Variants in TTLL12 observed in about 807,000 individuals in gnomAD.
TTLL12 encodes tubulin tyrosine ligase like 12.
In TTLL12, 77 loss-of-function variants were observed where a neutral mutation model predicts 79.6. The observed-to-expected ratio is 0.97, with a 90% CI of 0.81 to 1.17. TTLL12 has a LOEUF of 1.17. TTLL12 is among the 50% of genes most tolerant of loss of function. TTLL12 has a pLI of 0.00. For synonymous variants in TTLL12, 437 were observed against 376.1 expected, an observed-to-expected ratio of 1.16 and a Z score of -1.87; for missense variants, 969 against 895.9, an observed-to-expected ratio of 1.08 and a Z score of -1.04.
Position 43,182,945 on chromosome 22 carries a change from G to A in TTLL12, c.347+35C>T, listed in dbSNP as rs369514538. ...CTGCATCTCCCACCTTTCACCAAGT[G>A]AAGGTTGTGGTGGTGTCTCTGGCCA... On this transcript the variant is annotated intron_variant, in intron 2 of 13. Transcript: ENST00000216129. The A allele has an allele frequency of 1.3e-5, 21 of 1,601,266 alleles. No homozygotes were observed. In the African/African-American group the frequency reaches 2.8e-4, roughly 21 times the overall value.
In TTLL12 at chr22:43,174,397, G is replaced by A. The variant is rs762816946; in HGVS notation, c.1041C>T (p.Leu347=). Residue 347 remains leucine (L), a synonymous_variant, in exon 8 of 14, where the codon CTC becomes CTT. Coordinates refer to ENST00000216129, the MANE Select transcript of TTLL12 (RefSeq NM_015140.4). Reference sequence around the variant, plus strand: ...GCAGCACGCCTGGCCTCTCCTGGCTGAGTTTCCTGCAGGGCGGAGGCAGGT... The same window carrying A: ...GCAGCACGCCTGGCCTCTCCTGGCTAAGTTTCCTGCAGGGCGGAGGCAGGT... ...NFSHFKDYRK[L]SQERPGVLLN... is the part of the protein sequence containing the mutation. 6.4e-7 allele frequency: 1 copy of A among 1,562,040 alleles called. No homozygotes were observed.
rs2146626342 is a variant in TTLL12, at chr22:43,184,537, A to C, written c.178-1388T>G. Reference sequence around the variant, plus strand: ...CCACGCAGAGGGAAGAGTAAGAGCGAAGGCCTGGAGGCAGATAGCCCAGGG... The same window carrying C: ...CCACGCAGAGGGAAGAGTAAGAGCGCAGGCCTGGAGGCAGATAGCCCAGGG... On this transcript the variant is annotated intron_variant, in intron 1 of 13. Coordinates refer to ENST00000216129, the MANE Select transcript of TTLL12 (RefSeq NM_015140.4). Among the ~76,000 whole-genome samples the C allele has an allele frequency of 1.3e-5, 2 of 152,356 alleles. 1 individual carries two copies. The highest frequency in any genetic ancestry group is 4.1e-4 in the South Asian group (2 of 4,828).
chr22:43,175,839 AT>A (rs753447234), intron 6 of TTLL12, among the ~76,000 whole-genome samples: 1,936 of 128,356 alleles, frequency 0.015, 17 homozygotes, highest in African/African-American at 0.04. Context: ...TGCCCTACTA[AT>A]TTTTTTTTTT....
At position 43,180,251 on chromosome 22, in the gene TTLL12, C is replaced by T. The variant is rs188068442; in HGVS notation, c.547-251G>A. The stretch of plus-strand genomic sequence containing the variant: ...AAAGGGCGTTTGGTAACAAGGCACT[C>T]AGCCCAGCACCCGTAGGGGTGTATA... On this transcript the variant is annotated intron_variant, in intron 3 of 13. Coordinates refer to ENST00000216129, the MANE Select transcript of TTLL12 (RefSeq NM_015140.4). 9.2e-5 allele frequency among the ~76,000 whole-genome samples: 14 copies of T among 152,298 alleles called. No homozygotes were observed. The East Asian group carries it at 2.3e-3, about 25-fold the overall frequency.
Position 43,169,521 on chromosome 22 carries a change from T to G in TTLL12, c.1623A>C (p.Glu541Asp). 1.2e-6 allele frequency: 2 copies of G among 1,606,500 alleles called. No homozygotes were observed. The highest frequency in any genetic ancestry group is 1.7e-6 in the Non-Finnish European group (2 of 1,175,296). Residue 541 changes from glutamate (E) to aspartate (D), a missense_variant, in exon 12 of 14, where the codon GAA becomes GAC. Coordinates refer to ENST00000216129, the MANE Select transcript of TTLL12 (RefSeq NM_015140.4). Reference protein sequence around the residue: ...FIPEFEKQYPEFPWTDVQAEI... With the variant: ...FIPEFEKQYPDFPWTDVQAEI... ...TTACCTGGACGTCCGTCCAGGGAAATTCTGGGTATTGCTTCTCAAACTCGG... is the reference window on the plus strand; with the variant it reads ...TTACCTGGACGTCCGTCCAGGGAAAGTCTGGGTATTGCTTCTCAAACTCGG...
chr22:43,172,605 G>A, intron 9 of TTLL12, 51 bp from the exon 10 acceptor site: 1 of 1,610,336 alleles, frequency 6.2e-7, no homozygotes, highest in African/African-American at 1.3e-5. Flanking sequence ...AGCCCCCTGG[G>A]GCTCCCGAGC....
chr22:43,186,057 G>C (rs1474982773), intron 1 of TTLL12: 25 of 980,488 alleles, frequency 2.5e-5, no homozygotes, highest in Non-Finnish European at 2.9e-5. Context: ...GCCAGGCTCA[G>C]GGACTCCTAG....
chr22:43,171,838 G>A lies in TTLL12; in HGVS notation c.1556C>T (p.Pro519Leu), dbSNP rs374153501. ...EKHFTVMNYD[P>L]DVVLKQVHCE... is the part of the protein sequence containing the mutation. ...CCCTACCTGCTTCAGCACCACATCCGGGTCATAGTTCATGACCGTGAAGTG... is the reference window on the plus strand; with the variant it reads ...CCCTACCTGCTTCAGCACCACATCCAGGTCATAGTTCATGACCGTGAAGTG... Residue 519 changes from proline to leucine, a missense_variant, in exon 11 of 14, where the codon CCG (proline) becomes CTG (leucine). Pro to Leu is a moderately conservative substitution (Grantham distance 98, BLOSUM62 -3). Transcript: ENST00000216129. The A allele has an allele frequency of 2.4e-5, 39 of 1,613,936 alleles. No homozygotes were observed. In the African/African-American group the frequency reaches 2.8e-4, roughly 12 times the overall value.
intron 2 of TTLL12, among the ~76,000 whole-genome samples, chr22:43,181,806 G>A (rs1261763630): frequency 1.3e-5 from 2 of 152,208 alleles, no homozygotes; most frequent in African/African-American, 4.8e-5. Context: ...TATGAGTTTT[G>A]TTGGCCTGTC....
intron 1 of TTLL12, among the ~76,000 whole-genome samples, chr22:43,186,191 C>CA (rs1555982107): frequency 7.6e-6 from 1 of 130,970 alleles, no homozygotes; most frequent in African/African-American, 3.4e-5. Context: ...AAGAAAACAC[C>CA]CCCCCCCCCG....
chr22:43,171,973 C>T lies in TTLL12; in HGVS notation c.1494-73G>A, dbSNP rs955332876. ...CCCTGCGAGGGAGGTGCCACCCACTCAGCCTTCCCAACTAGGGGTTCAGGG... is the reference window on the plus strand; with the variant it reads ...CCCTGCGAGGGAGGTGCCACCCACTTAGCCTTCCCAACTAGGGGTTCAGGG... On this transcript the variant is annotated intron_variant, in intron 10 of 13. Coordinates refer to ENST00000216129, the MANE Select transcript of TTLL12 (RefSeq NM_015140.4). The T allele has an allele frequency of 4.6e-6, 6 of 1,307,756 alleles. No individual in the cohort carries two copies. The African/African-American group carries it at 8.8e-5, about 19-fold the overall frequency. 81.0% of individuals were successfully genotyped at this position (1,307,756 alleles called of 1,614,324 possible).
chr22:43,181,924 T>C (rs1298126042), intron 2 of TTLL12, among the ~76,000 whole-genome samples: 1 of 150,606 alleles, frequency 6.6e-6, no homozygotes, highest in Non-Finnish European at 1.5e-5. Context: ...ACAAGGGGTG[T>C]TGTACAAAGA....
In TTLL12 at chr22:43,180,883, C is replaced by T. The variant is rs1053661620; in HGVS notation, c.405G>A (p.Leu135=). ...GGTGCAGCAGCCCGGGCACCTGCTG[C>T]AGCTGCTGGCGCGCGTGCTCCACAC... ...TCRVEHARQQ[L]QQVPGLLHRM... The change falls in exon 3 of 14, where the codon CTG becomes CTA. Residue 135 remains leucine (L), a synonymous_variant. Coordinates refer to ENST00000216129, the MANE Select transcript of TTLL12 (RefSeq NM_015140.4). 1 of 1,612,878 alleles carries T rather than the reference C, an allele frequency of 6.2e-7. No homozygotes were observed. Among genetic ancestry groups the T allele is most frequent in the Non-Finnish European group, 8.5e-7 (1 of 1,179,920 alleles).
At chr22:43,185,860 A>C (rs1477685667) in intron 1 of TTLL12, 1 of 719,392 alleles carries the variant, frequency 1.4e-6, no homozygotes, top group African/African-American at 1.9e-5. Context: ...CCTTCCACCC[A>C]GCACAGGCCT....
intron 1 of TTLL12, among the ~76,000 whole-genome samples, chr22:43,186,390 C>G (rs969183755): frequency 6.6e-6 from 1 of 152,202 alleles, no homozygotes; most frequent in Non-Finnish European, 1.5e-5. Context: ...GATTTCTCCT[C>G]CACCTCTCAC....
At chr22:43,182,894 T>G (rs1601776537) in intron 2 of TTLL12, 86 bp downstream of exon 2, 1 of 1,508,928 alleles carries the variant, frequency 6.6e-7, no homozygotes, top group Non-Finnish European at 8.9e-7. Flanking sequence ...CCAGCGGCGG[T>G]GCAGGGCCCA....
chr22:43,167,690 C>T lies in TTLL12; in HGVS notation c.*318G>A, dbSNP rs951249685. 4.1e-6 allele frequency: 1 copy of T among 243,366 alleles called. No homozygotes were observed. Among genetic ancestry groups the T allele is most frequent in the Non-Finnish European group, 8.0e-6 (1 of 125,302 alleles). 15.1% of individuals were successfully genotyped at this position (243,366 alleles called of 1,614,324 possible). On this transcript the variant is annotated 3_prime_UTR_variant, in exon 14 of 14. Transcript: ENST00000216129. ...GAAACACAGCAGCCAGGAACAAATT[C>T]TCCATGCCAGGAACAAAGCCCTTGG...
chr22:43,182,692 C>T (rs1224170876), intron 2 of TTLL12, among the ~76,000 whole-genome samples: 5 of 152,156 alleles, frequency 3.3e-5, no homozygotes, highest in African/African-American at 9.7e-5. Flanking sequence ...AGGGTGACCT[C>T]GAGCAAAACT....
Position 43,180,839 on chromosome 22 carries a change from C to T in TTLL12, c.449G>A (p.Gly150Asp), listed in dbSNP as rs745334558. ...GGGCAGCTCACCGTGGAACTCAATG[C>T]CCATCAGGTTGGCCATGCGGTGCAG... ...GLLHRMANLM[G>D]IEFHGELPST... is the part of the protein sequence containing the mutation. Residue 150 changes from glycine (G) to aspartate (D), a missense_variant, in exon 3 of 14, where the codon GGC becomes GAC. Transcript: ENST00000216129. 3 of 1,613,016 alleles carry T rather than the reference C, an allele frequency of 1.9e-6. No individual in the cohort carries two copies. The Admixed American group carries it at 5.0e-5, about 27-fold the overall frequency.
Sources: gnomAD v4.1 joint callset for allele counts (sites outside exome capture counted in the v4.1 genomes callset) on GRCh38, gnomAD v4.1.1 for gene constraint, MANE v1.5 for transcripts, NCBI Gene and HGNC (gene_info 2026-07-23, HGNC 2026-07-21) for gene names.